The following FBXO15 variants were observed in gnomAD, a reference collection of about 807,000 sequenced individuals.
FBXO15 encodes F-box protein 15, also known as F-box only protein 15.
In FBXO15, 30 loss-of-function variants were observed where a neutral mutation model predicts 49.5. The observed-to-expected ratio is 0.61, with a 90% CI of 0.45 to 0.82. The LOEUF is 0.82. Among genes scored for constraint, FBXO15 ranks in the 40% least tolerant of loss-of-function variants. The pLI is 0.00. For synonymous variants in FBXO15, 250 were observed against 232.7 expected (o/e 1.07, Z -0.68); for missense variants, 591 against 631.5 (o/e 0.94, Z 0.69).
intron 8 of FBXO15, among the ~76,000 whole-genome samples, chr18:74,111,380 T>C (rs1319603393): frequency 6.6e-6 from 1 of 151,944 alleles, no homozygotes; most frequent in Non-Finnish European, 1.5e-5. Flanking sequence ...AACAGAAAGT[T>C]AGCTGGAAAA....
intron 4 of FBXO15, 105 bp downstream of exon 4, chr18:74,130,311 C>T (rs1978323953): frequency 9.0e-6 from 13 of 1,442,890 alleles, no homozygotes; most frequent in Non-Finnish European, 1.2e-5. Flanking sequence ...ACAAAACACA[C>T]AAAAATACTA....
chr18:74,124,526 G>A lies in FBXO15; in HGVS notation c.958C>T (p.His320Tyr). ...AFVMANLHFHHLVERSTLGSA... is the reference protein window; with the variant it reads ...AFVMANLHFHYLVERSTLGSA... ...CCTAATGTGCTCCTCTCCACAAGGT[G>A]ATGAAAATGAAGATTTGCCATAACA... The change falls in exon 7 of 10, where the codon CAC becomes TAC. Residue 320 changes from histidine to tyrosine, a missense_variant. Transcript: ENST00000419743. 3 of 1,614,074 alleles carry A rather than the reference G, an allele frequency of 1.9e-6. No homozygotes were observed. The highest frequency in any genetic ancestry group is 1.7e-6 in the Non-Finnish European group (2 of 1,180,016).
chr18:74,135,756 GCTTA>G lies in FBXO15; in HGVS notation c.332+2_332+5del, dbSNP rs1978675999. 6.3e-7 allele frequency: 1 copy of G among 1,592,100 alleles called. No individual in the cohort carries two copies. Among genetic ancestry groups the G allele is most frequent in the Non-Finnish European group, 8.5e-7 (1 of 1,172,608 alleles). On this transcript the variant is annotated splice_donor_variant and splice_donor_5th_base_variant and intron_variant, in intron 3 of 9. Transcript: ENST00000419743. LOFTEE classifies it high-confidence loss of function. The stretch of plus-strand genomic sequence containing the variant: ...AAACATAACAGAGACTTGGATTTCT[GCTTA>G]CTTGTCATTGGCTAGATGATAAAAG...
intron 9 of FBXO15, among the ~76,000 whole-genome samples, chr18:74,081,118 C>A (rs1025560834): frequency 1.3e-5 from 2 of 152,174 alleles, no homozygotes; most frequent in African/African-American, 4.8e-5. Context: ...TATCTCATTG[C>A]ATCAAATATC....
In FBXO15 at chr18:74,141,265, C is replaced by T. The variant is rs566483188; in HGVS notation, c.117-953G>A. Among the ~76,000 whole-genome samples, 3 of 152,304 alleles carry T rather than the reference C, an allele frequency of 2.0e-5. No homozygotes were observed. The East Asian group carries it at 5.8e-4, about 29-fold the overall frequency. On this transcript the variant is annotated intron_variant, in intron 1 of 9. Transcript: ENST00000419743. ...TCTGAAACACCAGAAAATCATACAG[C>T]TCACAGCCTCCATGTCTAGGCAGCA...
At chr18:74,128,859 C>T (rs562509858) in intron 5 of FBXO15, among the ~76,000 whole-genome samples, 1 of 152,308 alleles carries the variant, frequency 6.6e-6, no homozygotes, top group African/African-American at 2.4e-5. Flanking sequence ...ATAGTGATAT[C>T]TTTTGATCGA....
At chr18:74,138,340 A>G (rs1978849379) in intron 2 of FBXO15, among the ~76,000 whole-genome samples, 1 of 152,094 alleles carries the variant, frequency 6.6e-6, no homozygotes, top group African/African-American at 2.4e-5. Flanking sequence ...ATTCACCTGC[A>G]ACAGCTGTGA....
rs1201863169 is a variant in FBXO15 at position 74,075,556 on chromosome 18, A to G, written c.1264-1826T>C. On this transcript the variant is annotated intron_variant, in intron 9 of 9. Coordinates refer to ENST00000419743, the MANE Select transcript of FBXO15 (RefSeq NM_001142958.2). The surrounding 1 kb of genome is among the most constrained non-coding windows in gnomAD (Gnocchi z 4.1). ...CTCGCTTCCCAGACAACCCTCTCCA[A>G]AGAGCTGTCTCCGCTGGATTTGTCC... Among the ~76,000 whole-genome samples the G allele has an allele frequency of 6.6e-6, 1 of 152,184 alleles. No individual in the cohort carries two copies. The highest frequency in any genetic ancestry group is 1.9e-4 in the East Asian group (1 of 5,184).
intron 9 of FBXO15, among the ~76,000 whole-genome samples, chr18:74,079,383 G>A (rs1476876994): frequency 6.6e-6 from 1 of 152,176 alleles, no homozygotes; most frequent in Admixed American, 6.5e-5. Flanking sequence ...CAAGCGTCCT[G>A]CATGGATTCA....
At chr18:74,085,953 T>C (rs1912718114) in intron 8 of FBXO15, among the ~76,000 whole-genome samples, 1 of 152,164 alleles carries the variant, frequency 6.6e-6, no homozygotes, top group Non-Finnish European at 1.5e-5. Flanking sequence ...TGAGAAACAC[T>C]AATTTGTAAC....
Position 74,123,487 on chromosome 18 carries a change from C to T in FBXO15, c.1019G>A (p.Ser340Asn). 1 of 1,612,572 alleles carries T rather than the reference C, an allele frequency of 6.2e-7. No homozygotes were observed. The highest frequency in any genetic ancestry group is 8.5e-7 in the Non-Finnish European group (1 of 1,179,528). Reference protein sequence around the residue: ...ATIPYELPPHSPFLDDSPEYG... With the variant: ...ATIPYELPPHNPFLDDSPEYG... ...CTCGGGGCTATCATCCAAAAAGGGG[C>T]TATGTGGAGGCAGTTCATAGGGGCT... The change falls in exon 8 of 10, where the codon AGC becomes AAC. Residue 340 changes from serine (S) to asparagine (N), a missense_variant. Physicochemically the swap from Ser to Asn is conservative, Grantham distance 46. Transcript: ENST00000419743.
At chr18:74,144,277 G>A (rs111795604) in intron 1 of FBXO15, among the ~76,000 whole-genome samples, 1 of 152,124 alleles carries the variant, frequency 6.6e-6, no homozygotes. Flanking sequence ...ACAGTTAACA[G>A]ATCTGATTCA....
At chr18:74,138,168 C>T (rs1359978603) in intron 2 of FBXO15, among the ~76,000 whole-genome samples, 1 of 152,168 alleles carries the variant, frequency 6.6e-6, no homozygotes, top group East Asian at 1.9e-4. Flanking sequence ...AATTTCTAGG[C>T]TCCCTCGCAC....
chr18:74,108,441 G>A (rs1913866408), intron 8 of FBXO15, among the ~76,000 whole-genome samples: 1 of 151,078 alleles, frequency 6.6e-6, no homozygotes, highest in Non-Finnish European at 1.5e-5. Context: ...TAGTAGGCTA[G>A]AGCTGAGTAA....
rs1221726124 is a variant in FBXO15 at position 74,123,429 on chromosome 18, A to G, written c.1077T>C (p.Asp359=). Residue 359 remains aspartate (D), a synonymous_variant, in exon 8 of 10, where the codon GAT becomes GAC. Coordinates refer to ENST00000419743, the MANE Select transcript of FBXO15 (RefSeq NM_001142958.2). ...YGLHGYQLHV[D]LHSGGVFYLC... ...GGTAGAAAACCCCACCGCTGTGCAG[A>G]TCAACATGGAGTTGGTAGCCGTGCA... 2 of 1,613,952 alleles carry G rather than the reference A, an allele frequency of 1.2e-6. No homozygotes were observed. Among genetic ancestry groups the G allele is most frequent in the East Asian group, 2.2e-5 (1 of 44,886 alleles).
At chr18:74,102,825 G>A (rs1462842372) in intron 8 of FBXO15, among the ~76,000 whole-genome samples, 1 of 152,150 alleles carries the variant, frequency 6.6e-6, no homozygotes, top group African/African-American at 2.4e-5. Context: ...TGGGACTGGA[G>A]ACTATTATTC....
rs184221232 is a variant in FBXO15 at position 74,146,845 on chromosome 18, T to C, written c.116+825A>G. 1.8e-3 allele frequency among the ~76,000 whole-genome samples: 268 copies of C among 152,272 alleles called. 2 individuals are homozygous for C. The highest frequency in any genetic ancestry group is 5.8e-3 in the African/African-American group (243 of 41,554). ...CTTTGTGTGCTTAAACATAGACCATTGGTTTATTAGAAGGCAAAATATGCA... is the reference window on the plus strand; with the variant it reads ...CTTTGTGTGCTTAAACATAGACCATCGGTTTATTAGAAGGCAAAATATGCA... On this transcript the variant is annotated intron_variant, in intron 1 of 9. Coordinates refer to ENST00000419743, the MANE Select transcript of FBXO15 (RefSeq NM_001142958.2).
rs535549645 is a variant in FBXO15 at position 74,140,552 on chromosome 18, A to G, written c.117-240T>C. The stretch of plus-strand genomic sequence containing the variant: ...TAAGCAAGGAAGAAAGGCAGGGAGA[A>G]GGGAGGAAGAGACAGTGAGACCTTG... On this transcript the variant is annotated intron_variant, in intron 1 of 9. Transcript: ENST00000419743. 1.7e-4 allele frequency among the ~76,000 whole-genome samples: 26 copies of G among 151,716 alleles called. No homozygotes were observed. The East Asian group carries it at 4.7e-3, about 27-fold the overall frequency.
Position 74,140,325 on chromosome 18 carries a change from G to T in FBXO15, c.117-13C>A. On this transcript the variant is annotated splice_polypyrimidine_tract_variant and intron_variant, in intron 1 of 9. Coordinates refer to ENST00000419743, the MANE Select transcript of FBXO15 (RefSeq NM_001142958.2). ...CCCTGGCCCCTTTCTGAAAGTAAATGTGGGAAATTCAAATTATGTAATTAC... is the reference window on the plus strand; with the variant it reads ...CCCTGGCCCCTTTCTGAAAGTAAATTTGGGAAATTCAAATTATGTAATTAC... 6.5e-7 allele frequency: 1 copy of T among 1,544,894 alleles called. No homozygotes were observed. The highest frequency in any genetic ancestry group is 8.7e-7 in the Non-Finnish European group (1 of 1,144,218).
Sources: allele counts gnomAD v4.1 joint callset (sites outside exome capture counted in the v4.1 genomes callset), GRCh38; gene constraint gnomAD v4.1.1; non-coding constraint Gnocchi (gnomAD v3.1); transcripts MANE v1.5; gene names NCBI Gene and HGNC (gene_info 2026-07-23, HGNC 2026-07-21).